The following CNPY1 variants were observed in gnomAD, a reference collection of about 807,000 sequenced individuals.
The protein encoded by CNPY1 is canopy FGF signaling regulator 1, also known as protein canopy homolog 1.
Under a neutral mutation model 14.4 loss-of-function variants are expected in CNPY1, and 14 were observed. The observed-to-expected ratio is 0.97, with a 90% CI of 0.64 to 1.52. The LOEUF (loss-of-function observed/expected upper bound fraction) is 1.52, where lower values mean the gene tolerates loss of function less well. Among genes scored for constraint, CNPY1 ranks in the 40% most tolerant of loss-of-function variants. The pLI is 0.00. For synonymous variants in CNPY1, 43 were observed against 46.5 expected, an observed-to-expected ratio of 0.92 and a Z score of 0.31; for missense variants, 129 against 131.5, an observed-to-expected ratio of 0.98 and a Z score of 0.09.
At chr7:155,531,026 G>A (rs1796929061) in intron 2 of CNPY1, among the ~76,000 whole-genome samples, 1 of 152,208 alleles carries the variant, frequency 6.6e-6, no homozygotes, top group Admixed American at 6.5e-5. Flanking sequence ...CCAGTCTGAT[G>A]GTCTCCCTGC....
At chr7:155,540,958 C>T (rs1797077422) in intron 2 of CNPY1, among the ~76,000 whole-genome samples, 1 of 152,186 alleles carries the variant, frequency 6.6e-6, no homozygotes, top group Admixed American at 6.5e-5. Context: ...AGGAAAGGTG[C>T]CATTAATCCA....
chr7:155,519,094 G>A (rs1338495540), intron 2 of CNPY1, among the ~76,000 whole-genome samples: 2 of 152,160 alleles, frequency 1.3e-5, no homozygotes, highest in African/African-American at 4.8e-5. Flanking sequence ...TAGAGAGAGG[G>A]CAGGTCATCA....
chr7:155,530,506 A>G (rs945999070), intron 2 of CNPY1, among the ~76,000 whole-genome samples: 21 of 151,950 alleles, frequency 1.4e-4, no homozygotes, highest in Admixed American at 7.2e-4. Context: ...CTTTTTAACA[A>G]AGTTTTTTAC....
chr7:155,517,646 G>A (rs1304575800), intron 2 of CNPY1, among the ~76,000 whole-genome samples: 2 of 152,162 alleles, frequency 1.3e-5, no homozygotes, highest in African/African-American at 4.8e-5. Flanking sequence ...GCAAAAAATG[G>A]TTCATCATCT....
In CNPY1 at chr7:155,502,832, A is replaced by C. The variant is rs1204295487; in HGVS notation, c.*236T>G. ...CTATTGTCAAGCTTGATTTATCAAA[A>C]TCTGCAAAGGTTAATTTAAGTTTCA... On this transcript the variant is annotated 3_prime_UTR_variant, in exon 5 of 5. Coordinates refer to ENST00000636446, the MANE Select transcript of CNPY1 (RefSeq NM_001393663.1). 2.0e-6 allele frequency: 1 copy of C among 502,828 alleles called. No homozygotes were observed. The highest frequency in any genetic ancestry group is 3.5e-6 in the Non-Finnish European group (1 of 283,372). The allele number at this position is 502,828 out of a possible 1,614,324, so 31.1% of individuals were successfully genotyped here. A position where few individuals can be genotyped will look rare whatever the true frequency, so the allele number is the denominator to read the frequency against.
chr7:155,509,042 T>G lies in CNPY1; in HGVS notation c.155A>C (p.Glu52Ala). 1 of 1,609,354 alleles carries G rather than the reference T, an allele frequency of 6.2e-7. No individual in the cohort carries two copies. The highest frequency in any genetic ancestry group is 8.5e-7 in the Non-Finnish European group (1 of 1,178,760). The change falls in exon 3 of 5, where the codon GAG becomes GCG. Residue 52 changes from glutamate to alanine, a missense_variant. Coordinates refer to ENST00000636446, the MANE Select transcript of CNPY1 (RefSeq NM_001393663.1). Reference sequence around the variant, plus strand: ...CTCAAGCTTGTAGTCGTTCATTCGCTCACAGACTTTCTCCAAAAGATCCGT... The same window carrying G: ...CTCAAGCTTGTAGTCGTTCATTCGCGCACAGACTTTCTCCAAAAGATCCGT... ...FLTDLLEKVC[E>A]RMNDYKLEED...
At position 155,534,786 on chromosome 7, in the gene CNPY1, A is replaced by G. The variant is rs1784777689; in HGVS notation, c.99+11045T>C. Among the ~76,000 whole-genome samples the G allele has an allele frequency of 2.0e-5, 3 of 152,176 alleles. No individual in the cohort carries two copies. In the South Asian group the frequency reaches 6.2e-4, roughly 32 times the overall value. On this transcript the variant is annotated intron_variant, in intron 2 of 4. Coordinates refer to ENST00000636446, the MANE Select transcript of CNPY1 (RefSeq NM_001393663.1). ...ACAGTCAGGCCACAACTAACATGCA[A>G]AGCACAGGGCTTTCTGGGCACTGAG... is the stretch of plus-strand genomic sequence containing the variant.
intron 2 of CNPY1, among the ~76,000 whole-genome samples, chr7:155,534,388 C>T (rs1796997779): frequency 6.6e-6 from 1 of 152,316 alleles, no homozygotes; most frequent in South Asian, 2.1e-4. Flanking sequence ...CATGCATAGA[C>T]ACACATGCAC....
intron 2 of CNPY1, among the ~76,000 whole-genome samples, chr7:155,543,603 G>C (rs969161922): frequency 1.3e-5 from 2 of 152,220 alleles, no homozygotes; most frequent in Non-Finnish European, 2.9e-5. Flanking sequence ...GTGCTGGGAC[G>C]TGAGGGGGTC....
At chr7:155,542,050 G>C (rs1356511120) in intron 2 of CNPY1, among the ~76,000 whole-genome samples, 4 of 151,508 alleles carry the variant, frequency 2.6e-5, no homozygotes, top group Admixed American at 2.0e-4. Flanking sequence ...GGGTCGGGGG[G>C]GCAGAAGTCT....
chr7:155,530,002 C>T (rs953159830), intron 2 of CNPY1, among the ~76,000 whole-genome samples: 5 of 151,900 alleles, frequency 3.3e-5, no homozygotes, highest in African/African-American at 4.8e-5. Context: ...AGGCTGGTCT[C>T]GAACTCCCAA....
chr7:155,527,060 T>C (rs1281521700), intron 2 of CNPY1, among the ~76,000 whole-genome samples: 91 of 140,126 alleles, frequency 6.5e-4, no homozygotes, highest in African/African-American at 2.3e-3. Context: ...CTTTCTTTTT[T>C]TTTTTTTTTT....
At chr7:155,514,437 G>A (rs73732796) in intron 2 of CNPY1, among the ~76,000 whole-genome samples, 233 of 152,264 alleles carry the variant, frequency 1.5e-3, no homozygotes, top group African/African-American at 5.3e-3. Flanking sequence ...TCTTGTTACT[G>A]AGAACATAAT....
At chr7:155,537,887 G>C (rs916396767) in intron 2 of CNPY1, among the ~76,000 whole-genome samples, 1 of 151,956 alleles carries the variant, frequency 6.6e-6, no homozygotes, top group African/African-American at 2.4e-5. Context: ...AATTTAACAA[G>C]TAATATGTTT....
At chr7:155,513,270 A>G (rs537425777) in intron 2 of CNPY1, among the ~76,000 whole-genome samples, 2 of 152,358 alleles carry the variant, frequency 1.3e-5, no homozygotes, top group Admixed American at 6.5e-5. Context: ...ATCAGAAAAA[A>G]ATGAATTGCA....
At chr7:155,518,829 G>T (rs1446029480) in intron 2 of CNPY1, among the ~76,000 whole-genome samples, 1 of 152,188 alleles carries the variant, frequency 6.6e-6, no homozygotes, top group African/African-American at 2.4e-5. Context: ...TCAGGGACGG[G>T]CAGCCTGTGT....
chr7:155,506,488 GA>G (rs1796312957), intron 4 of CNPY1: 1 of 153,952 alleles, frequency 6.5e-6, no homozygotes, highest in African/African-American at 2.4e-5. Context: ...CTCTGAGCCA[GA>G]AAAAAATTTT....
intron 4 of CNPY1, among the ~76,000 whole-genome samples, chr7:155,504,153 G>A (rs1207968242): frequency 1.3e-5 from 2 of 152,156 alleles, no homozygotes; most frequent in Admixed American, 6.5e-5. Context: ...CAAAAACAGA[G>A]TACATTTGAT....
intron 2 of CNPY1, among the ~76,000 whole-genome samples, chr7:155,516,801 G>A (rs1024962076): frequency 1.6e-4 from 24 of 152,236 alleles, no homozygotes; most frequent in African/African-American, 4.8e-4. Flanking sequence ...CCTTGGTCCC[G>A]CCTGGCCACC....
Sources: gnomAD v4.1 joint callset for allele counts (sites outside exome capture counted in the v4.1 genomes callset) on GRCh38, gnomAD v4.1.1 for gene constraint, MANE v1.5 for transcripts, NCBI Gene and HGNC (gene_info 2026-07-23, HGNC 2026-07-21) for gene names.